Variants in MYO3A observed in about 807,000 individuals in gnomAD.
The protein encoded by MYO3A is myosin-IIIa.
MYO3A carries 180 observed loss-of-function variants against 192.7 expected under a neutral mutation model. That is an observed-to-expected ratio of 0.93 (90% CI 0.83 to 1.06). The LOEUF (loss-of-function observed/expected upper bound fraction) is 1.06, where lower values mean the gene tolerates loss of function less well. Among genes scored for constraint, MYO3A ranks in the 50% least tolerant of loss-of-function variants. The probability of loss-of-function intolerance (pLI) is 0.00; values close to 1 mark genes in which losing one functional copy is unlikely to be tolerated. For missense variants in MYO3A, 1,896 were observed against 1,905.0 expected, an observed-to-expected ratio of 1.00 and a Z score of 0.09; for synonymous variants, 628 against 645.3, an observed-to-expected ratio of 0.97 and a Z score of 0.41.
Position 26,088,250 on chromosome 10 carries a change from G to A in MYO3A, c.1407G>A (p.Leu469=), listed in dbSNP as rs1330180349. The A allele has an allele frequency of 3.7e-6, 6 of 1,613,138 alleles. No homozygotes were observed. The highest frequency in any genetic ancestry group is 1.3e-5 in the African/African-American group (1 of 75,032). ...LQEKILQVNN[L]VEAFGNACTI... ...AGAAGATTTTACAAGTGAACAATTT[G>A]GTAGAAGCCTTTGGCAATGCCTGCA... Residue 469 remains leucine, a synonymous_variant, in exon 15 of 35, where the codon TTG becomes TTA. Coordinates refer to ENST00000642920, the MANE Select transcript of MYO3A (RefSeq NM_017433.5).
intron 4 of MYO3A, among the ~76,000 whole-genome samples, chr10:25,957,009 G>T (rs1197727749): frequency 6.6e-6 from 1 of 152,142 alleles, no homozygotes; most frequent in Admixed American, 6.5e-5. Flanking sequence ...GCATTAGTTT[G>T]CTAAGGATAA....
chr10:26,195,048 C>T (rs1018510690), intron 32 of MYO3A, among the ~76,000 whole-genome samples: 2 of 152,174 alleles, frequency 1.3e-5, no homozygotes, highest in Non-Finnish European at 2.9e-5. Flanking sequence ...ACAACATTTT[C>T]ATCACCTTAA....
At chr10:26,127,406 G>C (rs1306614778) in intron 19 of MYO3A, among the ~76,000 whole-genome samples, 1 of 152,136 alleles carries the variant, frequency 6.6e-6, no homozygotes, top group African/African-American at 2.4e-5. Flanking sequence ...GTTTTAACTA[G>C]ACATCTTGCC....
At chr10:26,014,176 A>G (rs1293980315) in intron 6 of MYO3A, among the ~76,000 whole-genome samples, 3 of 152,082 alleles carry the variant, frequency 2.0e-5, no homozygotes, top group East Asian at 3.8e-4. Flanking sequence ...TAGGTACAGC[A>G]TACGCCACTA....
chr10:26,179,294 G>A (rs1245974966), intron 31 of MYO3A, among the ~76,000 whole-genome samples: 1 of 151,248 alleles, frequency 6.6e-6, no homozygotes, highest in Non-Finnish European at 1.5e-5. Context: ...TTAGAGACTG[G>A]GTTTTACCAT....
At chr10:25,950,929 T>C (rs1837170073) in intron 2 of MYO3A, among the ~76,000 whole-genome samples, 2 of 152,158 alleles carry the variant, frequency 1.3e-5, no homozygotes, top group African/African-American at 4.8e-5. Context: ...AAGAACACTT[T>C]CCTTTCTTTT....
chr10:25,959,099 A>G (rs938225018), intron 4 of MYO3A, among the ~76,000 whole-genome samples: 1 of 152,120 alleles, frequency 6.6e-6, no homozygotes, highest in African/African-American at 2.4e-5. Flanking sequence ...ATATAGAATC[A>G]TGTCGTCTGC....
intron 17 of MYO3A, among the ~76,000 whole-genome samples, chr10:26,117,516 C>G (rs1468934716): frequency 6.6e-6 from 1 of 152,118 alleles, no homozygotes; most frequent in Non-Finnish European, 1.5e-5. Context: ...CTAATAGGCC[C>G]CAGTGTGTGT....
intron 31 of MYO3A, among the ~76,000 whole-genome samples, chr10:26,178,740 C>T (rs1842456328): frequency 6.6e-6 from 1 of 151,984 alleles, no homozygotes; most frequent in Non-Finnish European, 1.5e-5. Context: ...ATTAACTGAA[C>T]ACTTCAGCTT....
chr10:26,113,233 G>A (rs1037136011), intron 17 of MYO3A, among the ~76,000 whole-genome samples: 3 of 152,168 alleles, frequency 2.0e-5, no homozygotes, highest in Non-Finnish European at 1.5e-5. Context: ...CACTTTGGGA[G>A]ACTGAGGCGG....
At chr10:26,020,089 T>C (rs1842222143) in intron 7 of MYO3A, among the ~76,000 whole-genome samples, 1 of 152,202 alleles carries the variant, frequency 6.6e-6, no homozygotes, top group Admixed American at 6.5e-5. Flanking sequence ...CATGCATAAT[T>C]TATTATTGTC....
chr10:26,107,506 G>A (rs933825338), intron 17 of MYO3A, among the ~76,000 whole-genome samples: 5 of 150,188 alleles, frequency 3.3e-5, no homozygotes, highest in African/African-American at 1.2e-4. Flanking sequence ...AAAAAGATTA[G>A]GGTAAAACTC....
intron 23 of MYO3A, among the ~76,000 whole-genome samples, chr10:26,148,620 A>T (rs1173525753): frequency 6.6e-6 from 1 of 152,204 alleles, no homozygotes; most frequent in Non-Finnish European, 1.5e-5. Flanking sequence ...AAATCTTCCA[A>T]TCAGCACAGT....
At chr10:25,979,129 C>G (rs959380615) in intron 4 of MYO3A, among the ~76,000 whole-genome samples, 1 of 152,158 alleles carries the variant, frequency 6.6e-6, no homozygotes, top group Non-Finnish European at 1.5e-5. Flanking sequence ...GAGAGCAACT[C>G]ACTGCATTTT....
At chr10:26,009,313 G>A (rs945888575) in intron 6 of MYO3A, among the ~76,000 whole-genome samples, 7 of 152,098 alleles carry the variant, frequency 4.6e-5, no homozygotes, top group African/African-American at 9.7e-5. Flanking sequence ...ACCAGCACCA[G>A]CATGGCACAT....
chr10:26,094,560 G>A (rs1264511844), intron 15 of MYO3A, among the ~76,000 whole-genome samples: 2 of 151,946 alleles, frequency 1.3e-5, no homozygotes, highest in Non-Finnish European at 2.9e-5. Flanking sequence ...CAGCAGCTGG[G>A]ACTACAGGTG....
intron 25 of MYO3A, among the ~76,000 whole-genome samples, chr10:26,156,054 G>A (rs1006547110): frequency 2.6e-5 from 4 of 152,170 alleles, no homozygotes; most frequent in Admixed American, 6.5e-5. Context: ...AGAAAAACCA[G>A]CGCCTAAATT....
intron 2 of MYO3A, among the ~76,000 whole-genome samples, chr10:25,942,448 G>T (rs989146715): frequency 6.6e-6 from 1 of 152,050 alleles, no homozygotes; most frequent in Non-Finnish European, 1.5e-5. Flanking sequence ...GAATTCTTTG[G>T]CTTATATTCA....
intron 6 of MYO3A, among the ~76,000 whole-genome samples, chr10:26,001,136 C>G (rs10828927): frequency 0.45 from 67,871 of 151,908 alleles, 16,026 homozygotes; most frequent in East Asian, 0.62. Flanking sequence ...GGACACAGAA[C>G]CAAATGATGT....
Sources: gnomAD v4.1 joint callset for allele counts (sites outside exome capture counted in the v4.1 genomes callset) on GRCh38, gnomAD v4.1.1 for gene constraint, MANE v1.5 for transcripts, NCBI Gene and HGNC (gene_info 2026-07-23, HGNC 2026-07-21) for gene names.